PROS1: variants seen among roughly 807,000 people sequenced by gnomAD.
PROS1 encodes protein S.
In PROS1, 29 loss-of-function variants were observed where a neutral mutation model predicts 75.9. The ratio of observed to expected loss-of-function variants is 0.38; its 90% CI spans 0.28 to 0.52. The LOEUF (loss-of-function observed/expected upper bound fraction) is 0.52. Ranked by LOEUF, PROS1 falls within the 20% of genes least tolerant of loss-of-function variation. The pLI is 0.83. For synonymous variants in PROS1, 245 were observed against 280.6 expected (o/e 0.87, Z 1.27); for missense variants, 680 against 810.3 (o/e 0.84, Z 1.95).
chr3:93,970,951 T>C (rs998271571), intron 1 of PROS1, among the ~76,000 whole-genome samples: 1 of 152,126 alleles, frequency 6.6e-6, no homozygotes, highest in African/African-American at 2.4e-5. Context: ...TGCCCTATAA[T>C]AGTGCCTGTG....
At chr3:93,947,685 G>A (rs1709426132) in intron 1 of PROS1, among the ~76,000 whole-genome samples, 1 of 152,006 alleles carries the variant, frequency 6.6e-6, no homozygotes, top group African/African-American at 2.4e-5. Context: ...TCCTGCCTCA[G>A]CCTCCAGAGT....
chr3:93,877,270 A>C, intron 13 of PROS1, 79 bp from the exon 14 acceptor site: 1 of 1,075,112 alleles, frequency 9.3e-7, no homozygotes, highest in Non-Finnish European at 1.4e-6. Flanking sequence ...AGTTTTTGAA[A>C]GTCAAAAACT....
intron 1 of PROS1, among the ~76,000 whole-genome samples, chr3:93,940,059 C>G (rs901401079): frequency 6.6e-6 from 1 of 152,278 alleles, no homozygotes; most frequent in Non-Finnish European, 1.5e-5. Flanking sequence ...AGGACCTCCT[C>G]CCCCAGGATC....
chr3:93,877,312 G>C lies in PROS1; in HGVS notation c.1645-121C>G, dbSNP rs1708206134. The stretch of plus-strand genomic sequence containing the variant: ...CAATAAGGAAAGAAAATGTATGATA[G>C]AGCCTCTAAATTTAAGGGAAAAATC... On this transcript the variant is annotated intron_variant, in intron 13 of 14. Transcript: ENST00000394236. 9.1e-6 allele frequency: 6 copies of C among 657,438 alleles called. No homozygotes were observed. In the South Asian group the frequency reaches 1.2e-4, roughly 13 times the overall value. 40.7% of individuals were successfully genotyped at this position (657,438 alleles called of 1,614,324 possible).
At chr3:93,881,273 G>A (rs988730028) in intron 12 of PROS1, among the ~76,000 whole-genome samples, 1 of 152,140 alleles carries the variant, frequency 6.6e-6, no homozygotes, top group Non-Finnish European at 1.5e-5. Flanking sequence ...AGTGAGCCAT[G>A]ATTGCACCAC....
At chr3:93,901,025 A>G in intron 6 of PROS1, 96 bp from the exon 7 acceptor site, 1 of 1,374,172 alleles carries the variant, frequency 7.3e-7, no homozygotes, top group Non-Finnish European at 1.0e-6. Context: ...CTTGTTTAAT[A>G]TATGTAATGA....
chr3:93,888,399 T>C (rs1344496503), intron 10 of PROS1, among the ~76,000 whole-genome samples: 1 of 152,224 alleles, frequency 6.6e-6, no homozygotes, highest in Non-Finnish European at 1.5e-5. Context: ...ATTATTTTCT[T>C]ATAAATTACT....
chr3:93,902,433 C>T (rs1420984405), intron 6 of PROS1, among the ~76,000 whole-genome samples: 1 of 152,184 alleles, frequency 6.6e-6, no homozygotes, highest in Non-Finnish European at 1.5e-5. Flanking sequence ...TGACTCCAAA[C>T]TGACATCTAA....
At chr3:93,879,362 G>A (rs1287990975) in intron 12 of PROS1, 48 bp from the exon 13 acceptor site, 10 of 1,587,954 alleles carry the variant, frequency 6.3e-6, no homozygotes, top group African/African-American at 1.3e-5. Context: ...CTCCTAAAGT[G>A]CATCAGAAGG....
At chr3:93,922,485 C>T (rs537220974) in intron 3 of PROS1, among the ~76,000 whole-genome samples, 58 of 152,204 alleles carry the variant, frequency 3.8e-4, no homozygotes, top group Admixed American at 2.1e-3. Context: ...ATTTCCAAAT[C>T]GCATGTTTTC....
chr3:93,910,352 A>T (rs1319754566), intron 4 of PROS1, among the ~76,000 whole-genome samples: 1 of 152,230 alleles, frequency 6.6e-6, no homozygotes, highest in Non-Finnish European at 1.5e-5. Context: ...GCTGTTGGGA[A>T]TAAAAATTCT....
chr3:93,899,687 G>A (rs1406855968), intron 7 of PROS1, among the ~76,000 whole-genome samples: 1 of 152,054 alleles, frequency 6.6e-6, no homozygotes, highest in Non-Finnish European at 1.5e-5. Context: ...AGCAGCATAC[G>A]TAGTTAAAAA....
intron 11 of PROS1, among the ~76,000 whole-genome samples, 167 bp from the exon 12 acceptor site, chr3:93,885,063 A>C (rs1435522336): frequency 6.6e-6 from 1 of 152,220 alleles, no homozygotes; most frequent in Admixed American, 6.5e-5. Flanking sequence ...TCAGATGGAC[A>C]GTCTTTTTCA....
intron 1 of PROS1, among the ~76,000 whole-genome samples, chr3:93,962,085 A>C (rs1409307346): frequency 1.3e-5 from 2 of 152,144 alleles, no homozygotes; most frequent in Non-Finnish European, 2.9e-5. Flanking sequence ...CCCTAGATCA[A>C]ACATGCTGGT....
At chr3:93,901,855 T>C (rs1383300555) in intron 6 of PROS1, among the ~76,000 whole-genome samples, 1 of 152,166 alleles carries the variant, frequency 6.6e-6, no homozygotes, top group Non-Finnish European at 1.5e-5. Context: ...GGGTAAAGGG[T>C]ATATAGCATC....
At chr3:93,955,566 C>G (rs544142476) in intron 1 of PROS1, among the ~76,000 whole-genome samples, 1 of 150,390 alleles carries the variant, frequency 6.6e-6, no homozygotes, top group Middle Eastern at 3.2e-3. Flanking sequence ...TAACACAGGA[C>G]GGCCTGTCAT....
At chr3:93,889,576 G>T (rs886599094) in intron 10 of PROS1, among the ~76,000 whole-genome samples, 1 of 152,112 alleles carries the variant, frequency 6.6e-6, no homozygotes, top group Non-Finnish European at 1.5e-5. Flanking sequence ...TATCTGTGAG[G>T]TACTAAGCTC....
At chr3:93,949,992 G>T (rs577391024) in intron 1 of PROS1, among the ~76,000 whole-genome samples, 1 of 152,276 alleles carries the variant, frequency 6.6e-6, no homozygotes, top group African/African-American at 2.4e-5. Context: ...CTAATACTGC[G>T]CTTTTCCAAT....
intron 1 of PROS1, among the ~76,000 whole-genome samples, chr3:93,940,002 C>T (rs1158236403): frequency 6.6e-6 from 1 of 152,272 alleles, no homozygotes; most frequent in African/African-American, 2.4e-5. Flanking sequence ...ATCTCCAGCA[C>T]ACAAGAACTT....
Sources: allele counts gnomAD v4.1 joint callset (sites outside exome capture counted in the v4.1 genomes callset), GRCh38; gene constraint gnomAD v4.1.1; transcripts MANE v1.5; gene names NCBI Gene and HGNC (gene_info 2026-07-23, HGNC 2026-07-21).